TSEN2: variants seen among roughly 807,000 people sequenced by gnomAD.
TSEN2 encodes tRNA-splicing endonuclease subunit Sen2.
A neutral mutation model predicts 59.2 loss-of-function variants in TSEN2; 54 were observed. The observed-to-expected ratio is 0.91, with a 90% confidence interval of 0.73 to 1.14. The LOEUF (loss-of-function observed/expected upper bound fraction) is 1.14. TSEN2 is among the 50% of genes most tolerant of loss of function. TSEN2 has a pLI of 0.00. For missense variants in TSEN2, 636 were observed against 576.2 expected, an observed-to-expected ratio of 1.10 and a Z score of -1.06; for synonymous variants, 195 against 198.2, an observed-to-expected ratio of 0.98 and a Z score of 0.14.
At chr3:12,536,529 A>G (rs2057675779), downstream of TSEN2, among the ~76,000 whole-genome samples, 1 of 152,166 alleles carries the variant, frequency 6.6e-6, no homozygotes, top group Non-Finnish European at 1.5e-5. Context: ...CATCTGGGGA[A>G]CAGAGTTGCT....
chr3:12,489,854 T>G lies in TSEN2; in HGVS notation c.54T>G (p.Thr18=), dbSNP rs536004336. Residue 18 remains threonine, a synonymous_variant, in exon 2 of 12, where the codon ACT becomes ACG. Transcript: ENST00000284995. ...APKRKRRVYE[T]YESPLPIPFG... ...AGAGGAAAAGAAGAGTGTATGAGAC[T>G]TACGAGTCTCCATTGCCAATCCCTT... 3.1e-6 allele frequency: 5 copies of G among 1,614,080 alleles called. No individual in the cohort carries two copies. The South Asian group carries it at 4.4e-5, about 14-fold the overall frequency.
chr3:12,517,357 C>CAAA (rs10663207), intron 7 of TSEN2, among the ~76,000 whole-genome samples: 4 of 81,476 alleles, frequency 4.9e-5, no homozygotes, highest in East Asian at 2.8e-4. Context: ...GACTCTGTCT[C>CAAA]AAAAAAAAAA....
At chr3:12,539,550 G>A (rs2057762293) in exon 11 of TSEN2, 1 of 163,486 alleles carries the variant, frequency 6.1e-6, no homozygotes. Flanking sequence ...ACATTGGAAG[G>A]TGAATTTGTT....
intron 3 of TSEN2, among the ~76,000 whole-genome samples, chr3:12,495,025 C>T (rs1196587165): frequency 7.0e-6 from 1 of 142,838 alleles, no homozygotes; most frequent in Non-Finnish European, 1.5e-5. Context: ...ACTTGGGAGG[C>T]TGAGGCAGGA....
rs148265038 is a variant in TSEN2, at chr3:12,510,333, T to C, written c.909+5102T>C. 2.0e-4 allele frequency among the ~76,000 whole-genome samples: 30 copies of C among 152,380 alleles called. No individual in the cohort carries two copies. The East Asian group carries it at 2.9e-3, about 15-fold the overall frequency. On this transcript the variant is annotated intron_variant, in intron 6 of 11. Transcript: ENST00000284995. ...TAACTGTGTTGATATCATTCAGCTG[T>C]GGCTCTGAGTTTGTTGATACATGTC...
downstream of TSEN2, among the ~76,000 whole-genome samples, chr3:12,536,180 A>G (rs1023247043): frequency 6.6e-6 from 1 of 152,206 alleles, no homozygotes; most frequent in Admixed American, 6.5e-5. Context: ...AAGACAGCAG[A>G]GGAGATTGGG....
intron 3 of TSEN2, among the ~76,000 whole-genome samples, chr3:12,492,708 A>G (rs2053344788): frequency 6.6e-6 from 1 of 152,238 alleles, no homozygotes; most frequent in South Asian, 2.1e-4. Flanking sequence ...AGGATCTTTT[A>G]AAGGTTTTAT....
chr3:12,522,590 A>G (rs1457026984), intron 8 of TSEN2, among the ~76,000 whole-genome samples: 4 of 152,192 alleles, frequency 2.6e-5, no homozygotes, highest in Admixed American at 6.5e-5. Flanking sequence ...ATATTATTTT[A>G]ATTTCAAAGG....
At chr3:12,522,418 C>T (rs2056723036) in intron 8 of TSEN2, among the ~76,000 whole-genome samples, 1 of 151,266 alleles carries the variant, frequency 6.6e-6, no homozygotes, top group Non-Finnish European at 1.5e-5. Flanking sequence ...CTCTGACCCA[C>T]ACACAGAGTC....
chr3:12,510,479 A>G (rs1362154920), intron 6 of TSEN2, among the ~76,000 whole-genome samples: 1 of 152,226 alleles, frequency 6.6e-6, no homozygotes, highest in African/African-American at 2.4e-5. Flanking sequence ...GAAAATAAAG[A>G]CAATAGTCCC....
intron 9 of TSEN2, 115 bp downstream of exon 9, chr3:12,529,039 A>G: frequency 9.9e-7 from 1 of 1,007,630 alleles, no homozygotes; most frequent in South Asian, 1.3e-5. Flanking sequence ...CTGGCCTGAT[A>G]CGAATAGATG....
Position 12,503,590 on chromosome 3 carries a change from G to A in TSEN2, c.637G>A (p.Asp213Asn). The A allele has an allele frequency of 6.3e-7, 1 of 1,599,466 alleles. No individual in the cohort carries two copies. The highest frequency in any genetic ancestry group is 1.1e-5 in the South Asian group (1 of 89,232). Reference sequence around the variant, plus strand: ...GAGCTTTGAGAAAAGCGTGCGAGAGGATGCCTCACCTCTGCCCCATGTCTG... The same window carrying A: ...GAGCTTTGAGAAAAGCGTGCGAGAGAATGCCTCACCTCTGCCCCATGTCTG... ...TESFEKSVREDASPLPHVCCC... is the reference protein window; with the variant it reads ...TESFEKSVRENASPLPHVCCC... Residue 213 changes from aspartate to asparagine, a missense_variant, in exon 5 of 12, where the codon GAT becomes AAT. Coordinates refer to ENST00000284995, the MANE Select transcript of TSEN2 (RefSeq NM_025265.4).
rs761267985 is a variant in TSEN2, at chr3:12,505,148, C to G, written c.832-6C>G. 5.7e-6 allele frequency: 9 copies of G among 1,573,898 alleles called. No individual in the cohort carries two copies. Among genetic ancestry groups the G allele is most frequent in the Middle Eastern group, 1.7e-4 (1 of 5,992 alleles). ...TTCTGTATATATTGTATTTCTTTCT[C>G]TTTAGTTGGTGCAAAGAAACAGGTT... On this transcript the variant is annotated splice_polypyrimidine_tract_variant and splice_region_variant and intron_variant, in intron 5 of 11. Coordinates refer to ENST00000284995, the MANE Select transcript of TSEN2 (RefSeq NM_025265.4).
chr3:12,506,965 C>T (rs2054905217), intron 6 of TSEN2: 4 of 590,104 alleles, frequency 6.8e-6, no homozygotes, highest in African/African-American at 2.0e-5. Flanking sequence ...GAGGCCGAGG[C>T]GGGTGGATCA....
rs1205983107 is a variant in TSEN2, at chr3:12,532,752, A to G, written c.*31A>G. 1 of 1,610,270 alleles carries G rather than the reference A, an allele frequency of 6.2e-7. No individual in the cohort carries two copies. The highest frequency in any genetic ancestry group is 8.5e-7 in the Non-Finnish European group (1 of 1,176,580). The stretch of plus-strand genomic sequence containing the variant: ...CAACCTCAAATTTCTAATTTCACCA[A>G]CAACTATTTATTGAGGGCTAGGTAA... On this transcript the variant is annotated 3_prime_UTR_variant, in exon 12 of 12. Coordinates refer to ENST00000284995, the MANE Select transcript of TSEN2 (RefSeq NM_025265.4).
intron 6 of TSEN2, among the ~76,000 whole-genome samples, 149 bp from the exon 7 acceptor site, chr3:12,516,439 AAAATATATGTGTGTGTGTGTGTG>A (rs1575395164): frequency 1.4e-5 from 1 of 73,928 alleles, no homozygotes; most frequent in Non-Finnish European, 2.6e-5. Flanking sequence ...ACAAACAAAC[AAAATATATGTGTGTGTGTGTGTG>A]TGTGTGTGTG....
chr3:12,527,419 A>C (rs2057168279), intron 8 of TSEN2, among the ~76,000 whole-genome samples: 1 of 152,170 alleles, frequency 6.6e-6, no homozygotes, highest in Non-Finnish European at 1.5e-5. Context: ...CCTCAAGGGA[A>C]ACAAAACTTT....
At chr3:12,514,207 C>G (rs2055807502) in intron 6 of TSEN2, among the ~76,000 whole-genome samples, 1 of 152,122 alleles carries the variant, frequency 6.6e-6, no homozygotes, top group South Asian at 2.1e-4. Context: ...GAGTCTGGAG[C>G]AGAACATGCC....
At chr3:12,539,189 A>G (rs113368836) in exon 11 of TSEN2, 25,563 of 424,496 alleles carry the variant, frequency 0.06, 1,046 homozygotes, top group Non-Finnish European at 0.084. Flanking sequence ...GCTGGAGTCC[A>G]ATGCTGCGAT....
Sources: gnomAD v4.1 joint callset for allele counts (sites outside exome capture counted in the v4.1 genomes callset) on GRCh38, gnomAD v4.1.1 for gene constraint, MANE v1.5 for transcripts, NCBI Gene and HGNC (gene_info 2026-07-23, HGNC 2026-07-21) for gene names.